DISP3: variants seen among roughly 807,000 people sequenced by gnomAD.
DISP3 encodes protein dispatched homolog 3.
In DISP3, 101 loss-of-function variants were observed where a neutral mutation model predicts 135.3. That is an observed-to-expected ratio of 0.75 (90% confidence interval 0.64 to 0.88). The LOEUF (loss-of-function observed/expected upper bound fraction) is 0.88, where lower values mean the gene tolerates loss of function less well. DISP3 is among the 40% of genes least tolerant of loss of function. The pLI is 0.00. For synonymous variants in DISP3, 856 were observed against 817.0 expected (o/e 1.05, Z -0.81); for missense variants, 1,713 against 1,878.6 (o/e 0.91, Z 1.63).
At chr1:11,492,480 A>G (rs951535516) in intron 1 of DISP3, among the ~76,000 whole-genome samples, 1 of 152,110 alleles carries the variant, frequency 6.6e-6, no homozygotes, top group Non-Finnish European at 1.5e-5. Flanking sequence ...CATCCACTCC[A>G]TCTGTGCAGC....
intron 1 of DISP3, among the ~76,000 whole-genome samples, chr1:11,490,116 A>G (rs1641141973): frequency 6.7e-6 from 1 of 150,294 alleles, no homozygotes; most frequent in Non-Finnish European, 1.5e-5. Context: ...TGAGGGTGGG[A>G]GAGATGTCGG....
At chr1:11,518,619 C>T (rs1290023840) in intron 7 of DISP3, among the ~76,000 whole-genome samples, 1 of 152,214 alleles carries the variant, frequency 6.6e-6, no homozygotes, top group Non-Finnish European at 1.5e-5. Context: ...TGGGCACAGT[C>T]GTCTTCCCAG....
chr1:11,510,231 A>G (rs1414120544), intron 3 of DISP3, among the ~76,000 whole-genome samples: 1 of 152,172 alleles, frequency 6.6e-6, no homozygotes, highest in African/African-American at 2.4e-5. Context: ...TTTCTCCCAT[A>G]TGCTTCTTGT....
Position 11,526,760 on chromosome 1 carries a change from T to C in DISP3, c.2723T>C (p.Leu908Ser), listed in dbSNP as rs766493618. ...SPSRKWMLTT[L>S]ACDAKRGWKF... Reference sequence around the variant, plus strand: ...TCCCGCAAGTGGATGCTGACGACCTTGGCCTGTGATGCCAAGCGGGGCTGG... The same window carrying C: ...TCCCGCAAGTGGATGCTGACGACCTCGGCCTGTGATGCCAAGCGGGGCTGG... The change falls in exon 13 of 21, where the codon TTG (leucine) becomes TCG (serine). Residue 908 changes from leucine to serine, a missense_variant. Leu to Ser is a moderately radical substitution (Grantham distance 145). This residue lies in a region of DISP3 where 1,142 missense variants were observed against 1,384.6 expected (regional missense o/e 0.82). Transcript: ENST00000294484. 1.9e-5 allele frequency: 30 copies of C among 1,613,770 alleles called. No individual in the cohort carries two copies. The highest frequency in any genetic ancestry group is 2.5e-5 in the Non-Finnish European group (29 of 1,180,042).
intron 17 of DISP3, among the ~76,000 whole-genome samples, chr1:11,532,347 C>T (rs1642596793): frequency 6.6e-6 from 1 of 152,236 alleles, no homozygotes; most frequent in African/African-American, 2.4e-5. Flanking sequence ...TGCTCTGTGT[C>T]CCTGAGCAAG....
intron 1 of DISP3, among the ~76,000 whole-genome samples, chr1:11,487,853 G>A (rs901260828): frequency 6.6e-6 from 1 of 152,156 alleles, no homozygotes; most frequent in Non-Finnish European, 1.5e-5. Flanking sequence ...TGCTGCCTCA[G>A]GACCCCAAGG....
At position 11,526,829 on chromosome 1, in the gene DISP3, A is replaced by G. The variant is rs1191601310; in HGVS notation, c.2792A>G (p.His931Arg). 14 of 1,600,778 alleles carry G rather than the reference A, an allele frequency of 8.7e-6. No individual in the cohort carries two copies. The highest frequency in any genetic ancestry group is 1.1e-5 in the Non-Finnish European group (13 of 1,177,650). Residue 931 changes from histidine to arginine, a missense_variant, in exon 13 of 21, where the codon CAC becomes CGC. Physicochemically the swap from His to Arg is conservative, Grantham distance 29. Around this residue, in one of 2 missense-constraint regions of DISP3, gnomAD observed 1,142 missense variants for 1,384.6 expected, o/e 0.82. Transcript: ENST00000294484. ...TACGTGGCCACCAAGGAGCAGCAGC[A>G]CACCCGGTAACAGAGCCTGGCAGAC... Reference protein sequence around the residue: ...SFYVATKEQQHTRKLYFAQSH... With the variant: ...SFYVATKEQQRTRKLYFAQSH...
chr1:11,501,978 C>G lies in DISP3; in HGVS notation c.986C>G (p.Ser329Cys), dbSNP rs754228171. 1 of 1,613,782 alleles carries G rather than the reference C, an allele frequency of 6.2e-7. No homozygotes were observed. Among genetic ancestry groups the G allele is most frequent in the Non-Finnish European group, 8.5e-7 (1 of 1,179,990 alleles). Residue 329 changes from serine to cysteine, a missense_variant, in exon 2 of 21, where the codon TCC (serine) becomes TGC (cysteine). By Grantham distance (112) the Ser-to-Cys change is moderately radical (BLOSUM62 -1). Around this residue, in one of 2 missense-constraint regions of DISP3, gnomAD observed 571 missense variants for 494.1 expected, o/e 1.16. Coordinates refer to ENST00000294484, the MANE Select transcript of DISP3 (RefSeq NM_020780.2). The surrounding 1 kb of genome is among the most constrained non-coding windows in gnomAD (Gnocchi z 4.9). ...GTGCTCAAGGATCTGCCGCTGGGCT[C>G]CTACTCCTACTGCTCGCCCCCCAGC... ...HEVLKDLPLG[S>C]YSYCSPPSSL...
intron 18 of DISP3, 115 bp from the exon 19 acceptor site, chr1:11,534,896 C>T: frequency 7.1e-6 from 7 of 979,178 alleles, no homozygotes; most frequent in Non-Finnish European, 9.4e-6. Context: ...CTGTTATGAC[C>T]CCATTTTACA....
In DISP3 at chr1:11,529,249, T is replaced by C. The variant is rs74055725; in HGVS notation, c.2799-307T>C. On this transcript the variant is annotated intron_variant, in intron 13 of 20. Coordinates refer to ENST00000294484, the MANE Select transcript of DISP3 (RefSeq NM_020780.2). The surrounding 1 kb of genome is among the most constrained non-coding windows in gnomAD (Gnocchi z 4.7). ...AACCCTCGTACCCCCGGGGGACAGT[T>C]TGAAAGCTGCTGGTCTTCTCCACCC... 1.9e-3 allele frequency among the ~76,000 whole-genome samples: 295 copies of C among 152,198 alleles called. 2 individuals are homozygous for C. Among genetic ancestry groups the C allele is most frequent in the African/African-American group, 6.5e-3 (271 of 41,502 alleles).
intron 13 of DISP3, among the ~76,000 whole-genome samples, chr1:11,527,360 T>C (rs1047941097): frequency 9.9e-5 from 15 of 152,128 alleles, no homozygotes; most frequent in Non-Finnish European, 2.1e-4. Flanking sequence ...CCATCCTGGC[T>C]AACACAGTGA....
In DISP3 at chr1:11,516,164, G is replaced by A. The variant is rs1351660474; in HGVS notation, c.1749+3G>A. The A allele has an allele frequency of 3.1e-6, 5 of 1,613,150 alleles. No individual in the cohort carries two copies. In the South Asian group the frequency reaches 4.4e-5, roughly 14 times the overall value. On this transcript the variant is annotated splice_donor_region_variant and intron_variant, in intron 6 of 20. Transcript: ENST00000294484. This position sits in a 1 kb window ranked among gnomAD's most constrained non-coding sequence, Gnocchi z 5.1. ...ACGCAGCTAACGTCTTCTCCCAGGT[G>A]CGGACCTGTCCTCCATTCCTGTCCT... is the stretch of plus-strand genomic sequence containing the variant.
At chr1:11,533,387 C>G (rs1206936427) in intron 17 of DISP3, among the ~76,000 whole-genome samples, 1 of 151,598 alleles carries the variant, frequency 6.6e-6, no homozygotes, top group Non-Finnish European at 1.5e-5. Context: ...TCCCAAGTAG[C>G]TGGGATTACA....
intron 17 of DISP3, among the ~76,000 whole-genome samples, chr1:11,532,845 A>C (rs1642609109): frequency 6.6e-6 from 1 of 151,884 alleles, no homozygotes; most frequent in African/African-American, 2.4e-5. Flanking sequence ...CTACAGGTGC[A>C]CACCATCACA....
rs538409285 is a variant in DISP3 at position 11,499,615 on chromosome 1, C to T, written c.-3-1375C>T. 4.6e-5 allele frequency among the ~76,000 whole-genome samples: 7 copies of T among 152,224 alleles called. No individual in the cohort carries two copies. Among genetic ancestry groups the T allele is most frequent in the Non-Finnish European group, 8.8e-5 (6 of 68,014 alleles). ...CCTCTCTCCTGCAAGTCTTCCGCTG[C>T]GCACCCCTCCTCTCCCCCACATCCT... On this transcript the variant is annotated intron_variant, in intron 1 of 20. Coordinates refer to ENST00000294484, the MANE Select transcript of DISP3 (RefSeq NM_020780.2). This position sits in a 1 kb window ranked among gnomAD's most constrained non-coding sequence, Gnocchi z 5.2.
At position 11,501,982 on chromosome 1, in the gene DISP3, C is replaced by A; in HGVS notation, c.990C>A (p.Tyr330Ter). 6.2e-7 allele frequency: 1 copy of A among 1,613,892 alleles called. No homozygotes were observed. Among genetic ancestry groups the A allele is most frequent in the Non-Finnish European group, 8.5e-7 (1 of 1,179,980 alleles). The change falls in exon 2 of 21, where the codon TAC (tyrosine) becomes TAA (stop). Residue 330 changes from tyrosine (Y) to a stop codon, truncating the protein, a stop_gained. Transcript: ENST00000294484. LOFTEE classifies it high-confidence loss of function. The surrounding 1 kb of genome is among the most constrained non-coding windows in gnomAD (Gnocchi z 4.9). ...EVLKDLPLGS[Y>*]SYCSPPSSLM... is the part of the protein sequence containing the mutation. ...TCAAGGATCTGCCGCTGGGCTCCTA[C>A]TCCTACTGCTCGCCCCCCAGCTCGC...
intron 17 of DISP3, chr1:11,533,653 G>C (rs1642629193): frequency 2.2e-5 from 14 of 649,108 alleles, no homozygotes; most frequent in African/African-American, 7.1e-5. Flanking sequence ...GGCAGTTCCA[G>C]GGAGGAGAGA....
chr1:11,497,303 C>T (rs1308891717), intron 1 of DISP3, among the ~76,000 whole-genome samples: 4 of 152,212 alleles, frequency 2.6e-5, no homozygotes, highest in Admixed American at 1.3e-4. Flanking sequence ...GTGTACCCAT[C>T]ACCCAAGCAG....
In DISP3 at chr1:11,536,734, G is replaced by T. The variant is rs577880150; in HGVS notation, c.*48G>T. ...TGCACCTTTGGTCCCATGGGTGGGG[G>T]ACAGGAGCTGCTTCCCAGCTCGACT... On this transcript the variant is annotated 3_prime_UTR_variant, in exon 21 of 21. Transcript: ENST00000294484. The surrounding 1 kb of genome is among the most constrained non-coding windows in gnomAD (Gnocchi z 4.3). The T allele has an allele frequency of 1.4e-6, 2 of 1,465,832 alleles. No homozygotes were observed. Among genetic ancestry groups the T allele is most frequent in the African/African-American group, 2.8e-5 (2 of 70,436 alleles). 90.8% of individuals were successfully genotyped at this position (1,465,832 alleles called of 1,614,324 possible).
Sources: gnomAD v4.1 joint callset for allele counts (sites outside exome capture counted in the v4.1 genomes callset) on GRCh38, gnomAD v4.1.1 for gene constraint, gnomAD v4.1.1 regional missense constraint, Gnocchi (gnomAD v3.1) non-coding constraint, MANE v1.5 for transcripts, NCBI Gene and HGNC (gene_info 2026-07-23, HGNC 2026-07-21) for gene names.